Variants in CHN2 observed in about 807,000 individuals in gnomAD.
CHN2 encodes chimerin 2.
A neutral mutation model predicts 56.3 loss-of-function variants in CHN2; 35 were observed. The observed-to-expected ratio is 0.62, with a 90% CI of 0.47 to 0.82. CHN2 has a LOEUF of 0.82. CHN2 is among the 40% of genes least tolerant of loss of function. The pLI is 0.00. For synonymous variants in CHN2, 210 were observed against 212.8 expected (o/e 0.99, Z 0.12); for missense variants, 491 against 580.5 (o/e 0.85, Z 1.58).
intron 6 of CHN2, among the ~76,000 whole-genome samples, chr7:29,459,640 C>G (rs1279780085): frequency 6.6e-6 from 1 of 152,190 alleles, no homozygotes; most frequent in Non-Finnish European, 1.5e-5. Flanking sequence ...CCCAGCCTCA[C>G]AGAGCAGCCC....
In CHN2 at chr7:29,162,680, A is replaced by G. The variant is rs185978473; in HGVS notation, c.274+15720A>G. Among the ~76,000 whole-genome samples the G allele has an allele frequency of 1.6e-3, 234 of 149,946 alleles. 2 individuals carry two copies. The highest frequency in any genetic ancestry group is 2.6e-3 in the Admixed American group (39 of 14,960). On this transcript the variant is annotated intron_variant, in intron 2 of 6. Coordinates refer to the CHN2 transcript ENST00000439384. ...CCATCTCAAAAAAAAAAAAAAAAAA[A>G]GAACATTATGACAAGTGACAAAAGC...
intron 6 of CHN2, chr7:29,445,276 C>G (rs1210167416): frequency 1.5e-5 from 6 of 402,192 alleles, no homozygotes; most frequent in Non-Finnish European, 3.0e-5. Flanking sequence ...GGAACAAATA[C>G]CCCAAACAGG....
rs139115665 is a variant in CHN2 at position 29,332,280 on chromosome 7, G to A, written c.50-22345G>A. Among the ~76,000 whole-genome samples the A allele has an allele frequency of 1.1e-3, 169 of 152,192 alleles. 3 individuals are homozygous for A. The East Asian group carries it at 0.03, about 27-fold the overall frequency. On this transcript the variant is annotated intron_variant, in intron 1 of 12. Coordinates refer to ENST00000222792, the MANE Select transcript of CHN2 (RefSeq NM_004067.4). ...CTCTTTTAAAGTAGGGAAAATGATC[G>A]TGCCTACCCTGTGGGGTTCTTGGGA...
Position 29,165,089 on chromosome 7 carries a change from A to C in CHN2, c.274+18129A>C, listed in dbSNP as rs11975309. ...GAATCAGTTTGTCAATTTCTAAAAA[A>C]CAAGCCTGCTGATTTTTTTATTGGC... On this transcript the variant is annotated intron_variant, in intron 2 of 6. Transcript: ENST00000439384. Among the ~76,000 whole-genome samples, 1,380 of 152,228 alleles carry C rather than the reference A, an allele frequency of 9.1e-3. 24 individuals are homozygous for C. The highest frequency in any genetic ancestry group is 0.031 in the African/African-American group (1,307 of 41,542).
intron 3 of CHN2, chr7:29,376,236 T>C (rs1412534571): frequency 6.6e-6 from 1 of 152,222 alleles, no homozygotes; most frequent in African/African-American, 2.4e-5. Flanking sequence ...CTATCACATA[T>C]GGAGTACTTC....
At chr7:29,352,973 C>T (rs1194701238) in intron 1 of CHN2, among the ~76,000 whole-genome samples, 1 of 152,184 alleles carries the variant, frequency 6.6e-6, no homozygotes, top group Non-Finnish European at 1.5e-5. Context: ...AGACACTGTT[C>T]TCTTACTTTG....
chr7:29,348,586 C>T (rs1287289158), intron 1 of CHN2, among the ~76,000 whole-genome samples: 1 of 152,068 alleles, frequency 6.6e-6, no homozygotes, highest in East Asian at 1.9e-4. Context: ...AAAAGAGGGC[C>T]AAAGGAATCG....
chr7:29,286,253 G>A (rs1239696908), intron 1 of CHN2, among the ~76,000 whole-genome samples: 6 of 148,480 alleles, frequency 4.0e-5, no homozygotes, highest in Non-Finnish European at 7.4e-5. Flanking sequence ...TTGGGAAAAG[G>A]TAAAGACTAC....
At chr7:29,415,155 A>G (rs892697398) in intron 6 of CHN2, among the ~76,000 whole-genome samples, 2 of 152,256 alleles carry the variant, frequency 1.3e-5, no homozygotes, top group Non-Finnish European at 1.5e-5. Context: ...TGGGCCAGTG[A>G]CATAGGTTCA....
At chr7:29,410,457 A>C (rs1466275645) in intron 6 of CHN2, among the ~76,000 whole-genome samples, 1 of 151,812 alleles carries the variant, frequency 6.6e-6, no homozygotes, top group East Asian at 1.9e-4. Context: ...GTTTTTTTTT[A>C]ATTAAATAGG....
intron 7 of CHN2, among the ~76,000 whole-genome samples, chr7:29,482,822 T>C (rs755394638): frequency 0.1 from 8,239 of 81,142 alleles, 713 homozygotes; most frequent in East Asian, 0.25. Flanking sequence ...TTTTTTTTTT[T>C]TTTTTTTTTT....
chr7:29,374,295 A>T (rs967751740), intron 3 of CHN2, among the ~76,000 whole-genome samples: 1 of 152,100 alleles, frequency 6.6e-6, no homozygotes, highest in African/African-American at 2.4e-5. Flanking sequence ...TTTAGACCTG[A>T]TGTAGTACAG....
chr7:29,469,979 A>C (rs936507419), intron 6 of CHN2, among the ~76,000 whole-genome samples: 1 of 152,234 alleles, frequency 6.6e-6, no homozygotes, highest in Non-Finnish European at 1.5e-5. Context: ...GGAAGGAGCT[A>C]TGTTTGCAAC....
intron 1 of CHN2, among the ~76,000 whole-genome samples, chr7:29,266,717 T>C (rs1048711572): frequency 9.2e-5 from 14 of 152,204 alleles, no homozygotes; most frequent in African/African-American, 3.1e-4. Context: ...GAAACTCAGG[T>C]CCACTCCCTG....
chr7:29,457,454 T>A (rs1784851340), intron 6 of CHN2, among the ~76,000 whole-genome samples: 1 of 152,190 alleles, frequency 6.6e-6, no homozygotes, highest in Non-Finnish European at 1.5e-5. Flanking sequence ...AGAACGAGAT[T>A]CTGGAAACGG....
At chr7:29,332,726 T>G (rs1796319025) in intron 1 of CHN2, among the ~76,000 whole-genome samples, 1 of 152,138 alleles carries the variant, frequency 6.6e-6, no homozygotes. Flanking sequence ...GTAGGCTTTG[T>G]GTGAGATGAT....
At chr7:29,423,022 T>C (rs1243827131) in intron 6 of CHN2, among the ~76,000 whole-genome samples, 1 of 152,270 alleles carries the variant, frequency 6.6e-6, no homozygotes, top group East Asian at 1.9e-4. Flanking sequence ...TTCAGGCTGC[T>C]TTTGACTTTG....
At position 29,482,797 on chromosome 7, in the gene CHN2, C is replaced by CTTTTT. The variant is rs375120538; in HGVS notation, c.654+2479_654+2483dup. Reference sequence around the variant, plus strand: ...TGCTAGGTGCTGTCTGCACTTTTTTCTTTTTTTTTTTTTTTTTTTTTTTTT... The same window carrying CTTTTT: ...TGCTAGGTGCTGTCTGCACTTTTTTCTTTTTTTTTTTTTTTTTTTTTTTTTTTTTT... On this transcript the variant is annotated intron_variant, in intron 7 of 12. Coordinates refer to ENST00000222792, the MANE Select transcript of CHN2 (RefSeq NM_004067.4). Among the ~76,000 whole-genome samples the CTTTTT allele has an allele frequency of 3.2e-3, 207 of 64,208 alleles. 37 individuals are homozygous for CTTTTT. Among genetic ancestry groups the CTTTTT allele is most frequent in the Non-Finnish European group, 3.8e-3 (131 of 34,260 alleles). The allele number at this position is 64,208 out of a possible 152,430, so 42.1% of individuals were successfully genotyped here. A position where few individuals can be genotyped will look rare whatever the true frequency, so the allele number is the denominator to read the frequency against.
intron 7 of CHN2, among the ~76,000 whole-genome samples, chr7:29,487,751 T>C (rs897585003): frequency 7.9e-5 from 12 of 151,970 alleles, no homozygotes; most frequent in Non-Finnish European, 1.0e-4. Context: ...CCTTCCTCTG[T>C]CTCTCCTTCT....
Sources: gnomAD v4.1 joint callset for allele counts (sites outside exome capture counted in the v4.1 genomes callset) on GRCh38, gnomAD v4.1.1 for gene constraint, MANE v1.5 for transcripts, NCBI Gene and HGNC (gene_info 2026-07-23, HGNC 2026-07-21) for gene names.